Variants in SPAG9 observed in about 807,000 individuals in gnomAD.
SPAG9 encodes the protein sperm associated antigen 9.
In SPAG9, 35 loss-of-function variants were observed where a neutral mutation model predicts 166.5. The ratio of observed to expected loss-of-function variants is 0.21; its 90% CI spans 0.16 to 0.28. SPAG9 has a LOEUF of 0.28. Among genes scored for constraint, SPAG9 ranks in the 10% least tolerant of loss-of-function variants. The pLI, the probability that SPAG9 is intolerant of heterozygous loss-of-function variation, is 1.00. For missense variants in SPAG9, 1,235 were observed against 1,603.3 expected (o/e 0.77, Z 3.92); for synonymous variants, 534 against 565.5 (o/e 0.94, Z 0.79).
chr17:51,016,398 T>C (rs1206877681), intron 8 of SPAG9: 1 of 152,008 alleles, frequency 6.6e-6, no homozygotes, highest in Non-Finnish European at 1.5e-5. Context: ...CCAGAACAAA[T>C]ATGACAGCAG....
rs543095001 is a variant in SPAG9 at position 50,978,213 on chromosome 17, T to C, written c.3410-992A>G. Among the ~76,000 whole-genome samples, 7 of 152,314 alleles carry C rather than the reference T, an allele frequency of 4.6e-5. No homozygotes were observed. The East Asian group carries it at 1.4e-3, about 29-fold the overall frequency. Reference sequence around the variant, plus strand: ...ACTCATAAGTTCTACTTACAAGAACTGAGGGCATGATCGCTGAATCACAGT... The same window carrying C: ...ACTCATAAGTTCTACTTACAAGAACCGAGGGCATGATCGCTGAATCACAGT... On this transcript the variant is annotated intron_variant, in intron 26 of 29. Coordinates refer to ENST00000262013, the MANE Select transcript of SPAG9 (RefSeq NM_001130528.3).
At chr17:51,012,622 A>C (rs1307358302) in intron 9 of SPAG9, among the ~76,000 whole-genome samples, 2 of 152,070 alleles carry the variant, frequency 1.3e-5, no homozygotes, top group Non-Finnish European at 2.9e-5. Flanking sequence ...AACGCAATTC[A>C]TTCAATTTCT....
At chr17:50,975,403 T>C (rs138240703) in intron 27 of SPAG9, 227 of 198,036 alleles carry the variant, frequency 1.1e-3, no homozygotes, top group Non-Finnish European at 1.7e-3. Flanking sequence ...CTTGAGGGGG[T>C]TGGTAAAAAG....
chr17:51,034,747 G>A (rs550588310), intron 5 of SPAG9, among the ~76,000 whole-genome samples: 1 of 152,202 alleles, frequency 6.6e-6, no homozygotes, highest in African/African-American at 2.4e-5. Context: ...ATCCACTGTG[G>A]ATGCTAAAAT....
At chr17:51,080,629 T>C (rs1211169114) in intron 1 of SPAG9, among the ~76,000 whole-genome samples, 2 of 152,126 alleles carry the variant, frequency 1.3e-5, no homozygotes, top group Non-Finnish European at 2.9e-5. Context: ...ACGCCTGTAA[T>C]CCTAGCACTT....
chr17:51,070,725 A>G (rs544765917), intron 2 of SPAG9, among the ~76,000 whole-genome samples: 3 of 152,316 alleles, frequency 2.0e-5, no homozygotes, highest in African/African-American at 4.8e-5. Context: ...AAATATGCCA[A>G]CCAGGTAAGG....
chr17:51,058,673 G>A (rs990559197), intron 2 of SPAG9, among the ~76,000 whole-genome samples: 2 of 152,134 alleles, frequency 1.3e-5, no homozygotes, highest in Non-Finnish European at 2.9e-5. Flanking sequence ...GCATCAAACT[G>A]CCAAGCAAAA....
At chr17:51,070,019 G>A (rs757326288) in intron 2 of SPAG9, among the ~76,000 whole-genome samples, 5 of 151,848 alleles carry the variant, frequency 3.3e-5, no homozygotes, top group Non-Finnish European at 5.9e-5. Context: ...CTCCCTCACG[G>A]GAGGGCTGAG....
At position 51,120,319 on chromosome 17, in the gene SPAG9, G is replaced by C. The variant is rs553651802; in HGVS notation, c.303+35C>G. ...CCCCGCCCCGGCCGCCCCCGGAGACGGATCCCGCGGCCCCCGCCCTGCCGC... is the reference window on the plus strand; with the variant it reads ...CCCCGCCCCGGCCGCCCCCGGAGACCGATCCCGCGGCCCCCGCCCTGCCGC... On this transcript the variant is annotated intron_variant, in intron 1 of 29. Coordinates refer to ENST00000262013, the MANE Select transcript of SPAG9 (RefSeq NM_001130528.3). The surrounding 1 kb of genome is among the most constrained non-coding windows in gnomAD (Gnocchi z 4.7). 1.6e-5 allele frequency: 23 copies of C among 1,479,640 alleles called. No individual in the cohort carries two copies. Among genetic ancestry groups the C allele is most frequent in the South Asian group, 1.0e-4 (8 of 79,094 alleles). 91.7% of individuals were successfully genotyped at this position (1,479,640 alleles called of 1,614,324 possible).
At chr17:51,103,608 C>A (rs1403413454) in intron 1 of SPAG9, among the ~76,000 whole-genome samples, 3 of 152,118 alleles carry the variant, frequency 2.0e-5, no homozygotes, top group African/African-American at 7.2e-5. Flanking sequence ...ATGTTAGGAA[C>A]TTAAGTCATT....
rs59365716 is a variant in SPAG9 at position 51,037,665 on chromosome 17, T to TTATATATATATATATATATA, written c.741+3816_741+3835dup. Among the ~76,000 whole-genome samples the TTATATATATATATATATATA allele has an allele frequency of 1.3e-3, 120 of 92,850 alleles. 2 individuals carry two copies. The highest frequency in any genetic ancestry group is 4.2e-3 in the African/African-American group (112 of 26,842). 60.9% of individuals were successfully genotyped at this position (92,850 alleles called of 152,430 possible). A position where few individuals can be genotyped will look rare whatever the true frequency, so the allele number is the denominator to read the frequency against. On this transcript the variant is annotated intron_variant, in intron 5 of 29. Transcript: ENST00000262013. ...AATAAAATAAGTAAATATATGTGTT[T>TTATATATATATATATATATA]TATATATATATATATATATAGTGTG...
At chr17:51,039,274 G>A (rs1443357213) in intron 5 of SPAG9, among the ~76,000 whole-genome samples, 1 of 152,120 alleles carries the variant, frequency 6.6e-6, no homozygotes, top group East Asian at 1.9e-4. Context: ...TCCAATTCCT[G>A]TTATACACAG....
chr17:51,039,997 G>C (rs144005657), intron 5 of SPAG9, among the ~76,000 whole-genome samples: 2 of 152,264 alleles, frequency 1.3e-5, no homozygotes, highest in African/African-American at 4.8e-5. Flanking sequence ...CACTTTGGGA[G>C]GCTGAGGCGG....
intron 8 of SPAG9, among the ~76,000 whole-genome samples, chr17:51,019,602 C>G (rs2045852103): frequency 1.3e-5 from 2 of 151,094 alleles, no homozygotes; most frequent in African/African-American, 2.4e-5. Flanking sequence ...ACTGTAATCC[C>G]AGGACTTTGG....
intron 4 of SPAG9, among the ~76,000 whole-genome samples, chr17:51,044,903 A>G (rs1046528564): frequency 2.0e-5 from 3 of 152,220 alleles, no homozygotes; most frequent in Admixed American, 6.5e-5. Flanking sequence ...TGTGGTAAAG[A>G]ACTTTAAAAT....
intron 13 of SPAG9, among the ~76,000 whole-genome samples, chr17:51,000,415 C>T (rs1168855053): frequency 6.6e-6 from 1 of 152,134 alleles, no homozygotes; most frequent in Non-Finnish European, 1.5e-5. Context: ...TACCACTTGG[C>T]TGCTAGAGTT....
At chr17:51,010,458 G>T (rs1488651499) in intron 9 of SPAG9, among the ~76,000 whole-genome samples, 2 of 151,650 alleles carry the variant, frequency 1.3e-5, no homozygotes, top group African/African-American at 4.8e-5. Flanking sequence ...ATGAAGAGTG[G>T]TATAATAAAA....
At chr17:51,019,946 C>T (rs926815767) in intron 8 of SPAG9, among the ~76,000 whole-genome samples, 6 of 152,230 alleles carry the variant, frequency 3.9e-5, no homozygotes, top group Non-Finnish European at 1.5e-5. Flanking sequence ...CCTTCCTGCT[C>T]ATACACCTAA....
intron 3 of SPAG9, among the ~76,000 whole-genome samples, chr17:51,048,758 T>C (rs960340422): frequency 4.6e-5 from 7 of 152,258 alleles, no homozygotes; most frequent in East Asian, 3.9e-4. Flanking sequence ...CTCTGATGCA[T>C]GAAATAAAAC....
Sources: gnomAD v4.1 joint callset for allele counts (sites outside exome capture counted in the v4.1 genomes callset) on GRCh38, gnomAD v4.1.1 for gene constraint, Gnocchi (gnomAD v3.1) non-coding constraint, MANE v1.5 for transcripts, NCBI Gene and HGNC (gene_info 2026-07-23, HGNC 2026-07-21) for gene names.